TVP23C: variants seen among roughly 807,000 people sequenced by gnomAD.
The protein encoded by TVP23C is Golgi apparatus membrane protein TVP23 homolog C.
A neutral mutation model predicts 28.7 loss-of-function variants in TVP23C; 19 were observed. The ratio of observed to expected loss-of-function variants is 0.66; its 90% CI spans 0.46 to 0.97. The LOEUF (loss-of-function observed/expected upper bound fraction) is 0.97. Ranked by LOEUF, TVP23C falls within the 50% of genes least tolerant of loss-of-function variation. The pLI, the probability that TVP23C is intolerant of heterozygous loss-of-function variation, is 0.00. For missense variants in TVP23C, 186 were observed against 241.3 expected (o/e 0.77, Z 1.52); for synonymous variants, 68 against 81.7 (o/e 0.83, Z 0.90).
At chr17:15,555,606 T>C (rs1448418727) in intron 1 of TVP23C, among the ~76,000 whole-genome samples, 3 of 152,186 alleles carry the variant, frequency 2.0e-5, no homozygotes, top group Non-Finnish European at 1.5e-5. Context: ...GGCTGCACCA[T>C]CTGAGAAAAC....
chr17:15,511,053 CAAAAAAAAA>C (rs58794054), intron 5 of TVP23C, among the ~76,000 whole-genome samples: 7 of 83,408 alleles, frequency 8.4e-5, no homozygotes, highest in African/African-American at 2.5e-4. Context: ...GACTTCGTCT[CAAAAAAAAA>C]AAAAAAAAAA....
downstream of TVP23C, among the ~76,000 whole-genome samples, chr17:15,532,554 C>A (rs1386267030): frequency 6.6e-6 from 1 of 152,190 alleles, no homozygotes; most frequent in Non-Finnish European, 1.5e-5. Flanking sequence ...ACACCACAAA[C>A]CTTATTGATC....
At chr17:15,544,705 G>A (rs1226884073) in intron 5 of TVP23C, among the ~76,000 whole-genome samples, 1 of 152,136 alleles carries the variant, frequency 6.6e-6, no homozygotes, top group Non-Finnish European at 1.5e-5. Flanking sequence ...CCTAATTCAT[G>A]AAAGAGGGTA....
chr17:15,536,141 G>T (rs889144645), downstream of TVP23C, among the ~76,000 whole-genome samples: 1 of 151,872 alleles, frequency 6.6e-6, no homozygotes, highest in Non-Finnish European at 1.5e-5. Flanking sequence ...AATGATCCGA[G>T]ATCACACCAC....
At chr17:15,552,535 T>G (rs1983939953) in intron 3 of TVP23C, among the ~76,000 whole-genome samples, 1 of 151,706 alleles carries the variant, frequency 6.6e-6, no homozygotes, top group East Asian at 1.9e-4. Context: ...TACAAAAAAA[T>G]TAGCCAGGCG....
rs192523036 is a variant in TVP23C, at chr17:15,551,047, T to A, written c.240+2638A>T. ...TCCTTCTTTTGCTCTATGAACTGTT[T>A]TACTTGCTCCATCTTCTCCAATGTT... On this transcript the variant is annotated intron_variant, in intron 3 of 5. Transcript: ENST00000518321. Among the ~76,000 whole-genome samples the A allele has an allele frequency of 3.9e-4, 60 of 152,308 alleles. 1 individual carries two copies. The highest frequency in any genetic ancestry group is 3.5e-3 in the Admixed American group (54 of 15,310).
intron 5 of TVP23C, among the ~76,000 whole-genome samples, chr17:15,513,718 C>T (rs910230972): frequency 6.6e-6 from 1 of 152,188 alleles, no homozygotes; most frequent in African/African-American, 2.4e-5. Context: ...TGGCTTTCCC[C>T]AGCAAGACAT....
chr17:15,556,623 G>A (rs1011917373), intron 1 of TVP23C, among the ~76,000 whole-genome samples: 1 of 152,122 alleles, frequency 6.6e-6, no homozygotes, highest in Non-Finnish European at 1.5e-5. Flanking sequence ...CCAATTGCTG[G>A]GATTACAGGC....
intron 1 of TVP23C, among the ~76,000 whole-genome samples, chr17:15,560,063 T>G (rs903986198): frequency 1.3e-5 from 2 of 149,262 alleles, no homozygotes; most frequent in African/African-American, 4.9e-5. Context: ...CCACTGTATT[T>G]TTTTTTCTTT....
chr17:15,552,845 G>C (rs1983954840), intron 3 of TVP23C, among the ~76,000 whole-genome samples: 1 of 150,966 alleles, frequency 6.6e-6, no homozygotes, highest in South Asian at 2.1e-4. Flanking sequence ...AACACACACA[G>C]TTAAATTTTA....
intron 5 of TVP23C, among the ~76,000 whole-genome samples, chr17:15,527,108 G>C (rs3865257): frequency 2.0e-5 from 3 of 151,902 alleles, no homozygotes; most frequent in Admixed American, 1.3e-4. Context: ...CCACATCTCC[G>C]AACAGCCAGT....
rs369802859 is a variant in TVP23C at position 15,563,442 on chromosome 17, G to A, written c.7C>T (p.Gln3Ter). 1 of 1,592,460 alleles carries A rather than the reference G, an allele frequency of 6.3e-7. No homozygotes were observed. Among genetic ancestry groups the A allele is most frequent in the Non-Finnish European group, 8.5e-7 (1 of 1,171,302 alleles). ML[Q>*]QDSNDDTEDV... is the part of the protein sequence containing the mutation. ...GCGCGCCCTCAGCCCCTCACCTGCT[G>A]CAACATGGCGGCCCTACGCCAGCCC... Residue 3 changes from glutamine to a stop codon, truncating the protein, a stop_gained, in exon 1 of 6, where the codon CAG becomes TAG. Transcript: ENST00000518321. LOFTEE classifies it high-confidence loss of function.
chr17:15,542,947 C>T (rs765449631), intron 5 of TVP23C, among the ~76,000 whole-genome samples: 3 of 152,186 alleles, frequency 2.0e-5, no homozygotes, highest in African/African-American at 2.4e-5. Context: ...CTGGCTTTCA[C>T]ATAACCTCTC....
At chr17:15,553,013 A>G (rs1983963019) in intron 3 of TVP23C, among the ~76,000 whole-genome samples, 1 of 151,402 alleles carries the variant, frequency 6.6e-6, no homozygotes, top group South Asian at 2.1e-4. Context: ...TATCCCCTAC[A>G]GCAGGGTGTC....
At position 15,537,393 on chromosome 17, in the gene TVP23C, A is replaced by G; in HGVS notation, c.*3019T>C. On this transcript the variant is annotated 3_prime_UTR_variant, in exon 6 of 6. Transcript: ENST00000518321. ...CTCTTTTAGTGGTAAAAGATCTATT[A>G]GCTCAAGGTCCACTGAAGAACTTTC... The G allele has an allele frequency of 4.1e-6, 4 of 985,068 alleles. No homozygotes were observed. The highest frequency in any genetic ancestry group is 4.8e-6 in the Non-Finnish European group (4 of 829,620). 61.0% of individuals were successfully genotyped at this position (985,068 alleles called of 1,614,324 possible). A position where few individuals can be genotyped will look rare whatever the true frequency, so the allele number is the denominator to read the frequency against.
intron 5 of TVP23C, among the ~76,000 whole-genome samples, chr17:15,516,209 G>A (rs1335279622): frequency 6.6e-6 from 1 of 152,198 alleles, no homozygotes; most frequent in Non-Finnish European, 1.5e-5. Context: ...CACACAGCGA[G>A]GCCAAAGGCC....
chr17:15,555,482 A>G, intron 1 of TVP23C, 118 bp from the exon 2 acceptor site: 2 of 1,457,906 alleles, frequency 1.4e-6, no homozygotes, highest in Non-Finnish European at 1.9e-6. Context: ...TTACAGCATC[A>G]GGAATTCAAA....
At chr17:15,503,532 C>T in intron 5 of TVP23C, 1 of 224,872 alleles carries the variant, frequency 4.4e-6, no homozygotes, top group African/African-American at 2.3e-5. Flanking sequence ...GTTTTGTTGC[C>T]TTATTATGTT....
chr17:15,563,262 C>T, intron 1 of TVP23C, 175 bp downstream of exon 1: 1 of 1,281,796 alleles, frequency 7.8e-7, no homozygotes, highest in Non-Finnish European at 1.0e-6. Flanking sequence ...CCCCAGCGGC[C>T]TCAGAACCCC....
Sources: allele counts gnomAD v4.1 joint callset (sites outside exome capture counted in the v4.1 genomes callset), GRCh38; gene constraint gnomAD v4.1.1; transcripts MANE v1.5; gene names NCBI Gene and HGNC (gene_info 2026-07-23, HGNC 2026-07-21).